The following LIN28B variants were observed in gnomAD, a reference collection of about 807,000 sequenced individuals.
The protein encoded by LIN28B is protein lin-28 homolog B.
Under a neutral mutation model 21.9 loss-of-function variants are expected in LIN28B, and 5 were observed. The observed-to-expected ratio is 0.23, with a 90% CI of 0.12 to 0.48. The LOEUF (loss-of-function observed/expected upper bound fraction) is 0.48. LIN28B is among the 20% of genes least tolerant of loss of function. The pLI, the probability that LIN28B is intolerant of heterozygous loss-of-function variation, is 0.98. For missense variants in LIN28B, 245 were observed against 310.5 expected, an observed-to-expected ratio of 0.79 and a Z score of 1.58; for synonymous variants, 109 against 111.3, an observed-to-expected ratio of 0.98 and a Z score of 0.13.
In LIN28B at chr6:105,051,425, C is replaced by T. The variant is rs553851043; in HGVS notation, c.383+24943C>T. Among the ~76,000 whole-genome samples the T allele has an allele frequency of 4.8e-4, 72 of 150,032 alleles. 1 individual carries two copies. The Middle Eastern group carries it at 0.01, about 21-fold the overall frequency. ...TTGCACTCCAGCCTGGGCGACAGAG[C>T]GAGACTCCGTCTGAAAAAAAAAAAG... is the stretch of plus-strand genomic sequence containing the variant. On this transcript the variant is annotated intron_variant, in intron 3 of 3. Transcript: ENST00000345080.
At chr6:105,066,590 G>A (rs1772224790) in intron 3 of LIN28B, among the ~76,000 whole-genome samples, 1 of 152,062 alleles carries the variant, frequency 6.6e-6, no homozygotes, top group African/African-American at 2.4e-5. Flanking sequence ...ATGAAGAAGT[G>A]TATGTGATAA....
intron 2 of LIN28B, among the ~76,000 whole-genome samples, chr6:105,005,232 T>C (rs1236669046): frequency 2.6e-5 from 4 of 152,198 alleles, no homozygotes; most frequent in African/African-American, 9.6e-5. Flanking sequence ...CTCTACCTTT[T>C]TTGTTCTCTT....
At chr6:105,038,910 C>T (rs1352867073) in intron 3 of LIN28B, among the ~76,000 whole-genome samples, 1 of 152,118 alleles carries the variant, frequency 6.6e-6, no homozygotes, top group South Asian at 2.1e-4. Context: ...CTGACAGTAC[C>T]AAGCATTGTG....
intron 2 of LIN28B, among the ~76,000 whole-genome samples, chr6:104,973,785 A>C (rs1035308173): frequency 2.0e-5 from 3 of 152,236 alleles, no homozygotes; most frequent in Admixed American, 1.3e-4. Context: ...GGTATTAGCA[A>C]AGTCAAATCC....
intron 2 of LIN28B, among the ~76,000 whole-genome samples, chr6:104,948,368 G>A (rs1043668964): frequency 6.6e-6 from 1 of 152,282 alleles, no homozygotes; most frequent in East Asian, 1.9e-4. Flanking sequence ...TCGGGAGGCC[G>A]AGGCAGGAGA....
At chr6:105,061,795 G>A (rs984340907) in intron 3 of LIN28B, among the ~76,000 whole-genome samples, 1 of 152,076 alleles carries the variant, frequency 6.6e-6, no homozygotes, top group African/African-American at 2.4e-5. Context: ...GTTACAGGCT[G>A]AAATCCTGGA....
In LIN28B at chr6:105,014,554, C is replaced by T. The variant is rs373666100; in HGVS notation, c.199-11744C>T. On this transcript the variant is annotated intron_variant, in intron 2 of 3. Transcript: ENST00000345080. ...GCCAGGCTTGTCTTGAACTCCTGAC[C>T]TCAGGTGATCTGCCCACCTCAGCTT... 4.6e-5 allele frequency among the ~76,000 whole-genome samples: 7 copies of T among 152,172 alleles called. No homozygotes were observed. The East Asian group carries it at 7.7e-4, about 17-fold the overall frequency.
intron 3 of LIN28B, among the ~76,000 whole-genome samples, chr6:105,049,345 G>T (rs536580531): frequency 6.6e-6 from 1 of 152,272 alleles, no homozygotes; most frequent in Non-Finnish European, 1.5e-5. Context: ...GTTCTAGTTT[G>T]ATTGCACTGT....
chr6:104,956,178 T>C (rs1335648450), upstream of LIN28B, among the ~76,000 whole-genome samples: 4 of 152,068 alleles, frequency 2.6e-5, no homozygotes, highest in African/African-American at 9.6e-5. Flanking sequence ...CACCTCTTTC[T>C]TTGACTCTGC....
intron 2 of LIN28B, chr6:104,940,136 C>T (rs1778061365): frequency 5.9e-6 from 1 of 168,364 alleles, no homozygotes; most frequent in African/African-American, 2.4e-5. Context: ...CTGGCATTGT[C>T]TACCATGCTC....
chr6:104,996,498 TA>T (rs1393089918), intron 2 of LIN28B, among the ~76,000 whole-genome samples: 1 of 152,170 alleles, frequency 6.6e-6, no homozygotes, highest in African/African-American at 2.4e-5. Flanking sequence ...TCTCAGTATA[TA>T]ACAGTGATAA....
At chr6:105,018,357 C>T (rs1311815813) in intron 2 of LIN28B, among the ~76,000 whole-genome samples, 4 of 152,146 alleles carry the variant, frequency 2.6e-5, no homozygotes, top group Non-Finnish European at 5.9e-5. Flanking sequence ...TTTGGTCTCT[C>T]ACTTCACAAT....
intron 3 of LIN28B, among the ~76,000 whole-genome samples, chr6:105,050,331 G>A (rs560902261): frequency 2.0e-3 from 300 of 152,180 alleles, no homozygotes; most frequent in Middle Eastern, 6.8e-3. Context: ...GGCTGGGCGC[G>A]GTGGCTCACG....
At chr6:104,966,639 T>G (rs1270443290) in intron 2 of LIN28B, among the ~76,000 whole-genome samples, 1 of 145,544 alleles carries the variant, frequency 6.9e-6, no homozygotes, top group Non-Finnish European at 1.5e-5. Context: ...TTTTTTTTTT[T>G]GAGACAGAGT....
chr6:104,987,450 C>T (rs1271210850), intron 2 of LIN28B, among the ~76,000 whole-genome samples: 1 of 152,054 alleles, frequency 6.6e-6, no homozygotes, highest in Non-Finnish European at 1.5e-5. Context: ...CTCAGTGGGT[C>T]CTGCCGCCTC....
intron 2 of LIN28B, among the ~76,000 whole-genome samples, chr6:104,963,298 G>A (rs1157154482): frequency 2.6e-5 from 4 of 152,030 alleles, no homozygotes; most frequent in African/African-American, 7.2e-5. Flanking sequence ...CACCCACCTC[G>A]GCCTCCCAAA....
intron 3 of LIN28B, among the ~76,000 whole-genome samples, chr6:105,050,740 A>C (rs931523571): frequency 6.6e-6 from 1 of 150,550 alleles, no homozygotes; most frequent in African/African-American, 2.5e-5. Flanking sequence ...AATGTTTTAC[A>C]TCACTGTATA....
intron 2 of LIN28B, among the ~76,000 whole-genome samples, chr6:105,010,130 CA>C (rs1770891921): frequency 6.6e-6 from 1 of 151,784 alleles, no homozygotes; most frequent in South Asian, 2.1e-4. Context: ...GCCAGGCAGA[CA>C]GATCGCTTAA....
chr6:104,940,107 C>T (rs1554273207), intron 2 of LIN28B: 3 of 165,466 alleles, frequency 1.8e-5, no homozygotes, highest in Non-Finnish European at 2.9e-5. Context: ...AAACAGCTGA[C>T]AGTAGGTTCC....
Sources: gnomAD v4.1 joint callset for allele counts (sites outside exome capture counted in the v4.1 genomes callset) on GRCh38, gnomAD v4.1.1 for gene constraint, MANE v1.5 for transcripts, NCBI Gene and HGNC (gene_info 2026-07-23, HGNC 2026-07-21) for gene names.